Variants in MIPOL1 observed in about 807,000 individuals in gnomAD.
The protein encoded by MIPOL1 is mirror-image polydactyly gene 1 protein.
In MIPOL1, 57 loss-of-function variants were observed where a neutral mutation model predicts 60.9. The ratio of observed to expected loss-of-function variants is 0.94; its 90% confidence interval spans 0.76 to 1.17. MIPOL1 has a LOEUF of 1.17. Ranked by LOEUF, MIPOL1 falls within the 50% of genes most tolerant of loss-of-function variation. The pLI, the probability that MIPOL1 is intolerant of heterozygous loss-of-function variation, is 0.00. For synonymous variants in MIPOL1, 179 were observed against 168.8 expected (o/e 1.06, Z -0.47); for missense variants, 551 against 511.6 (o/e 1.08, Z -0.74).
chr14:37,423,954 A>T (rs980695712), intron 11 of MIPOL1: 2 of 152,154 alleles, frequency 1.3e-5, no homozygotes, highest in Non-Finnish European at 2.9e-5. Context: ...ATAACTGCAA[A>T]TGCTGAAATG....
At chr14:37,206,748 A>T (rs1037479202) in intron 1 of MIPOL1, among the ~76,000 whole-genome samples, 1 of 152,236 alleles carries the variant, frequency 6.6e-6, no homozygotes, top group Non-Finnish European at 1.5e-5. Flanking sequence ...TGTGACCTGC[A>T]TGTGAGACAT....
At chr14:37,403,113 T>A (rs1281232872) in intron 10 of MIPOL1, among the ~76,000 whole-genome samples, 1 of 152,196 alleles carries the variant, frequency 6.6e-6, no homozygotes, top group Non-Finnish European at 1.5e-5. Context: ...ACTGCTACCA[T>A]GCTGAAAGTT....
At chr14:37,236,564 G>A (rs1011369630) in intron 1 of MIPOL1, among the ~76,000 whole-genome samples, 1 of 152,048 alleles carries the variant, frequency 6.6e-6, no homozygotes, top group African/African-American at 2.4e-5. Context: ...AGCCTCCTGA[G>A]TAGCTGGGAC....
chr14:37,357,808 T>G (rs973774817), intron 9 of MIPOL1, among the ~76,000 whole-genome samples: 8 of 152,122 alleles, frequency 5.3e-5, no homozygotes, highest in Non-Finnish European at 8.8e-5. Context: ...CCTGTGCTTG[T>G]GGGGTATTGC....
chr14:37,469,947 T>C lies in MIPOL1; in HGVS notation c.1032-29961T>C, dbSNP rs144411637. Among the ~76,000 whole-genome samples the C allele has an allele frequency of 2.4e-3, 363 of 152,106 alleles. 1 individual carries two copies. Among genetic ancestry groups the C allele is most frequent in the African/African-American group, 8.3e-3 (345 of 41,484 alleles). ...AGTTTTCTGTTATAGCCACAGAAAATGGACTAAGATGGGGATGGAAAGAAA... is the reference window on the plus strand; with the variant it reads ...AGTTTTCTGTTATAGCCACAGAAAACGGACTAAGATGGGGATGGAAAGAAA... On this transcript the variant is annotated intron_variant, in intron 11 of 12. Coordinates refer to ENST00000684589, the MANE Select transcript of MIPOL1 (RefSeq NM_001388067.1).
chr14:37,260,323 T>C lies in MIPOL1; in HGVS notation c.20-6615T>C, dbSNP rs949150746. On this transcript the variant is annotated intron_variant, in intron 3 of 12. Transcript: ENST00000684589. The stretch of plus-strand genomic sequence containing the variant: ...ATTTCATTGAATGAAAGACCTAATA[T>C]ATCCACTGTTTTGTTCCAGTATATT... Among the ~76,000 whole-genome samples the C allele has an allele frequency of 9.9e-5, 15 of 151,986 alleles. 1 individual carries two copies. The highest frequency in any genetic ancestry group is 3.6e-4 in the African/African-American group (15 of 41,490).
intron 11 of MIPOL1, among the ~76,000 whole-genome samples, chr14:37,450,502 A>G (rs2094401624): frequency 6.6e-6 from 1 of 152,078 alleles, no homozygotes; most frequent in Non-Finnish European, 1.5e-5. Flanking sequence ...ACGTTTTCTC[A>G]TGGAAGATAA....
chr14:37,266,507 A>G (rs1312017760), intron 3 of MIPOL1, among the ~76,000 whole-genome samples: 1 of 152,214 alleles, frequency 6.6e-6, no homozygotes, highest in Non-Finnish European at 1.5e-5. Context: ...ATAACATTGT[A>G]AGTAACTCAA....
chr14:37,260,836 A>T (rs1390109706), intron 3 of MIPOL1, among the ~76,000 whole-genome samples: 1 of 152,126 alleles, frequency 6.6e-6, no homozygotes, highest in Non-Finnish European at 1.5e-5. Flanking sequence ...TTAGATTCTC[A>T]GGAAGATAGG....
At chr14:37,212,595 C>A (rs1966879004) in intron 1 of MIPOL1, among the ~76,000 whole-genome samples, 1 of 152,136 alleles carries the variant, frequency 6.6e-6, no homozygotes, top group Non-Finnish European at 1.5e-5. Context: ...ACTCTACTCC[C>A]TGACTCTTGT....
intron 3 of MIPOL1, among the ~76,000 whole-genome samples, chr14:37,250,397 A>C (rs558744638): frequency 1.1e-3 from 171 of 152,070 alleles, no homozygotes; most frequent in Non-Finnish European, 2.0e-3. Context: ...AAAATACACA[A>C]ATTAGCTGGG....
chr14:37,390,692 A>G (rs1249066444), intron 10 of MIPOL1, among the ~76,000 whole-genome samples: 1 of 152,148 alleles, frequency 6.6e-6, no homozygotes, highest in East Asian at 1.9e-4. Flanking sequence ...AAACAGGATT[A>G]GTAAACTAGA....
At chr14:37,235,419 T>C (rs1243621695) in intron 1 of MIPOL1, among the ~76,000 whole-genome samples, 1 of 152,168 alleles carries the variant, frequency 6.6e-6, no homozygotes, top group East Asian at 1.9e-4. Flanking sequence ...ATCCTTGACA[T>C]ACAGGTCAAG....
At chr14:37,422,997 A>T in intron 11 of MIPOL1, 48 bp downstream of exon 11, 1 of 1,185,858 alleles carries the variant, frequency 8.4e-7, no homozygotes, top group South Asian at 1.3e-5. Flanking sequence ...TTAGTTTGGG[A>T]AATGTTTCTA....
intron 11 of MIPOL1, among the ~76,000 whole-genome samples, chr14:37,428,319 G>A (rs1026428435): frequency 3.3e-5 from 5 of 152,028 alleles, no homozygotes; most frequent in Admixed American, 1.3e-4. Flanking sequence ...ATTAGTGGCC[G>A]GGCATGGTGG....
chr14:37,523,935 C>T (rs996047775), intron 12 of MIPOL1, among the ~76,000 whole-genome samples: 1 of 152,084 alleles, frequency 6.6e-6, no homozygotes, highest in Non-Finnish European at 1.5e-5. Context: ...GAGAAAAAGC[C>T]TTCTGTATGG....
At chr14:37,431,821 G>A (rs953265652) in intron 11 of MIPOL1, among the ~76,000 whole-genome samples, 3 of 151,014 alleles carry the variant, frequency 2.0e-5, no homozygotes, top group South Asian at 2.1e-4. Context: ...TCCTGACCTC[G>A]TGATCCGCTC....
intron 9 of MIPOL1, among the ~76,000 whole-genome samples, chr14:37,359,425 C>A (rs1349250217): frequency 1.3e-5 from 2 of 152,144 alleles, no homozygotes; most frequent in Non-Finnish European, 2.9e-5. Context: ...TTACCTTGGG[C>A]AGTATGGCCA....
At chr14:37,276,530 C>G (rs2083673162) in intron 6 of MIPOL1, 1 of 151,102 alleles carries the variant, frequency 6.6e-6, no homozygotes, top group African/African-American at 2.4e-5. Context: ...TTACATTATT[C>G]TCTTGTAAAA....
Sources: allele counts gnomAD v4.1 joint callset (sites outside exome capture counted in the v4.1 genomes callset), GRCh38; gene constraint gnomAD v4.1.1; transcripts MANE v1.5; gene names NCBI Gene and HGNC (gene_info 2026-07-23, HGNC 2026-07-21).